The following ICA1L variants were observed in gnomAD, a reference collection of about 807,000 sequenced individuals.
The protein encoded by ICA1L is islet cell autoantigen 1-like protein.
Under a neutral mutation model 61.3 loss-of-function variants are expected in ICA1L, and 50 were observed. That is an observed-to-expected ratio of 0.82 (90% CI 0.65 to 1.03). The LOEUF is 1.03. Among genes scored for constraint, ICA1L ranks in the 50% least tolerant of loss-of-function variants. The pLI is 0.00. For synonymous variants in ICA1L, 161 were observed against 191.3 expected (o/e 0.84, Z 1.31); for missense variants, 508 against 556.7 (o/e 0.91, Z 0.88).
intron 1 of ICA1L, chr2:202,841,244 A>G (rs1694321517): frequency 2.8e-6 from 2 of 724,766 alleles, no homozygotes; most frequent in Non-Finnish European, 5.1e-6. Flanking sequence ...TCTCATCCTC[A>G]TATTTGTTCT....
chr2:202,864,151 G>A (rs989531086), intron 1 of ICA1L, among the ~76,000 whole-genome samples: 1 of 152,118 alleles, frequency 6.6e-6, no homozygotes, highest in Non-Finnish European at 1.5e-5. Flanking sequence ...TCATAGAGTA[G>A]AAGAGGAAAG....
intron 4 of ICA1L, among the ~76,000 whole-genome samples, chr2:202,821,022 A>G (rs1313115329): frequency 1.3e-5 from 2 of 152,196 alleles, no homozygotes; most frequent in African/African-American, 4.8e-5. Context: ...GGAAATACAC[A>G]TTTTTAAGAT....
chr2:202,825,756 A>G lies in ICA1L; in HGVS notation c.174T>C (p.Ser58=). 6.4e-7 allele frequency: 1 copy of G among 1,566,698 alleles called. No homozygotes were observed. Among genetic ancestry groups the G allele is most frequent in the Non-Finnish European group, 8.7e-7 (1 of 1,152,296 alleles). ...GAAGTTCAGTGCATGTCTCTTGAAC[A>G]GAGTGAAAAACCTTGAGATATAAAT... is the stretch of plus-strand genomic sequence containing the variant. The part of the protein sequence containing the change: ...ELDAKLEVFH[S]VQETCTELLK... The change falls in exon 3 of 13, where the codon TCT becomes TCC. Residue 58 remains serine (S), a synonymous_variant. Coordinates refer to ENST00000358299, the MANE Select transcript of ICA1L (RefSeq NM_001288622.3).
intron 1 of ICA1L, among the ~76,000 whole-genome samples, chr2:202,857,827 T>C (rs1197022324): frequency 2.0e-5 from 3 of 152,192 alleles, no homozygotes; most frequent in African/African-American, 7.2e-5. Flanking sequence ...GAACAGACAC[T>C]TCTCAAAAGA....
At chr2:202,845,640 A>G (rs1559146172) in intron 1 of ICA1L, among the ~76,000 whole-genome samples, 1 of 151,706 alleles carries the variant, frequency 6.6e-6, no homozygotes, top group Non-Finnish European at 1.5e-5. Context: ...AAAAAAAAAA[A>G]GGAATACTTT....
rs528405090 is a variant in ICA1L, at chr2:202,831,343, G to A, written c.-7-2327C>T. On this transcript the variant is annotated intron_variant, in intron 1 of 12. Coordinates refer to ENST00000358299, the MANE Select transcript of ICA1L (RefSeq NM_001288622.3). ...ATTATACTGTCCTGACACATCAAGCGTCTTGAGAGAAACTTAGTTTTTCTT... is the reference window on the plus strand; with the variant it reads ...ATTATACTGTCCTGACACATCAAGCATCTTGAGAGAAACTTAGTTTTTCTT... Among the ~76,000 whole-genome samples, 38 of 152,272 alleles carry A rather than the reference G, an allele frequency of 2.5e-4. No individual in the cohort carries two copies. In the South Asian group the frequency reaches 7.0e-3, roughly 28 times the overall value.
At chr2:202,784,138 G>A (rs1178407414) in intron 12 of ICA1L, among the ~76,000 whole-genome samples, 1 of 152,164 alleles carries the variant, frequency 6.6e-6, no homozygotes, top group Non-Finnish European at 1.5e-5. Flanking sequence ...AATTTCAGTG[G>A]TGATTATAAA....
intron 1 of ICA1L, chr2:202,844,494 T>G (rs1387407197): frequency 1.3e-5 from 2 of 152,230 alleles, no homozygotes; most frequent in Non-Finnish European, 2.9e-5. Flanking sequence ...TTTCTGGATA[T>G]AGCTTACTGT....
intron 9 of ICA1L, among the ~76,000 whole-genome samples, chr2:202,809,134 G>A (rs891861530): frequency 2.0e-5 from 3 of 152,004 alleles, no homozygotes; most frequent in Non-Finnish European, 2.9e-5. Flanking sequence ...GAAGCTCAGC[G>A]AAATTCAAGA....
At chr2:202,837,296 T>C (rs888335938) in intron 1 of ICA1L, among the ~76,000 whole-genome samples, 2 of 152,024 alleles carry the variant, frequency 1.3e-5, no homozygotes, top group Non-Finnish European at 2.9e-5. Flanking sequence ...TTTTTTGTTT[T>C]TGTTTTTTTG....
intron 9 of ICA1L, among the ~76,000 whole-genome samples, chr2:202,797,455 A>T (rs1244461847): frequency 6.6e-6 from 1 of 152,188 alleles, no homozygotes; most frequent in Admixed American, 6.5e-5. Flanking sequence ...GATATATGTA[A>T]TACATTGCGA....
intron 4 of ICA1L, among the ~76,000 whole-genome samples, chr2:202,820,552 G>GA (rs1693672088): frequency 6.6e-6 from 1 of 152,192 alleles, no homozygotes; most frequent in Admixed American, 6.5e-5. Context: ...CCAATTAACA[G>GA]AAAGCCTTTC....
intron 1 of ICA1L, among the ~76,000 whole-genome samples, chr2:202,866,367 T>A (rs963886832): frequency 6.6e-6 from 1 of 152,140 alleles, no homozygotes; most frequent in Non-Finnish European, 1.5e-5. Context: ...GAACCCCTCA[T>A]CAGATGCAGA....
At chr2:202,838,508 G>A (rs1306666051) in intron 1 of ICA1L, among the ~76,000 whole-genome samples, 2 of 152,114 alleles carry the variant, frequency 1.3e-5, no homozygotes, top group African/African-American at 4.8e-5. Flanking sequence ...TCTGTCCATT[G>A]TTGACAGTGG....
At chr2:202,804,976 A>T (rs1693185858) in intron 9 of ICA1L, among the ~76,000 whole-genome samples, 1 of 152,258 alleles carries the variant, frequency 6.6e-6, no homozygotes, top group African/African-American at 2.4e-5. Flanking sequence ...TTGAATGATA[A>T]TGAAAATACT....
At chr2:202,868,246 G>T (rs1369016623) in intron 1 of ICA1L, among the ~76,000 whole-genome samples, 6 of 152,096 alleles carry the variant, frequency 3.9e-5, no homozygotes, top group Non-Finnish European at 8.8e-5. Flanking sequence ...TGATAAAAGA[G>T]CAGGAATGAA....
At chr2:202,798,817 C>T (rs1402819251) in intron 9 of ICA1L, among the ~76,000 whole-genome samples, 1 of 152,180 alleles carries the variant, frequency 6.6e-6, no homozygotes, top group African/African-American at 2.4e-5. Context: ...TTTTTCTACT[C>T]TCTACCTGAA....
At chr2:202,825,555 A>C in intron 3 of ICA1L, 140 bp downstream of exon 3, 6 of 1,347,104 alleles carry the variant, frequency 4.5e-6, no homozygotes, top group Non-Finnish European at 5.7e-6. Flanking sequence ...GGGGCCTTTG[A>C]GAACAGGTAA....
At chr2:202,814,828 TTTC>T (rs759836771) in intron 7 of ICA1L, 44 bp from the exon 8 acceptor site, 18 of 1,263,994 alleles carry the variant, frequency 1.4e-5, no homozygotes, top group Admixed American at 3.7e-5. Flanking sequence ...AATGAATCTG[TTTC>T]TTCTTCTCTG....
Sources: allele counts gnomAD v4.1 joint callset (sites outside exome capture counted in the v4.1 genomes callset), GRCh38; gene constraint gnomAD v4.1.1; transcripts MANE v1.5; gene names NCBI Gene and HGNC (gene_info 2026-07-23, HGNC 2026-07-21).